The following OPCML variants were observed in gnomAD, a reference collection of about 807,000 sequenced individuals.
OPCML encodes the protein opioid binding protein/cell adhesion molecule like, also known as opioid-binding protein/cell adhesion molecule.
In OPCML, 13 loss-of-function variants were observed where a neutral mutation model predicts 37.8. The ratio of observed to expected loss-of-function variants is 0.34; its 90% confidence interval spans 0.22 to 0.55. OPCML has a LOEUF of 0.55. OPCML is among the 20% of genes least tolerant of loss of function. The pLI is 0.91. For synonymous variants in OPCML, 176 were observed against 168.8 expected (o/e 1.04, Z -0.33); for missense variants, 341 against 435.6 (o/e 0.78, Z 1.93).
chr11:132,627,996 T>C (rs949777089), intron 3 of OPCML, among the ~76,000 whole-genome samples: 2 of 152,080 alleles, frequency 1.3e-5, no homozygotes, highest in Non-Finnish European at 2.9e-5. Flanking sequence ...CATATTTAAA[T>C]CTAGGCTGAA....
intron 4 of OPCML, among the ~76,000 whole-genome samples, chr11:132,504,524 G>A (rs1042620855): frequency 2.0e-5 from 3 of 152,198 alleles, no homozygotes; most frequent in African/African-American, 4.8e-5. Flanking sequence ...TGGTGCTGCA[G>A]TCATTTGAAT....
At chr11:132,691,613 C>G (rs1943407021) in intron 2 of OPCML, among the ~76,000 whole-genome samples, 1 of 152,174 alleles carries the variant, frequency 6.6e-6, no homozygotes, top group Non-Finnish European at 1.5e-5. Flanking sequence ...ACCTGGTGTA[C>G]TCCCATGGGT....
At chr11:132,508,328 G>A (rs112175964) in intron 4 of OPCML, among the ~76,000 whole-genome samples, 15 of 152,248 alleles carry the variant, frequency 9.9e-5, no homozygotes, top group African/African-American at 3.6e-4. Context: ...TATTGACAAA[G>A]TTAATCAACT....
intron 2 of OPCML, among the ~76,000 whole-genome samples, chr11:132,662,536 A>G (rs1309172235): frequency 6.6e-6 from 1 of 152,174 alleles, no homozygotes; most frequent in Non-Finnish European, 1.5e-5. Flanking sequence ...TTCCTGCCCT[A>G]TGAAACTACA....
intron 3 of OPCML, among the ~76,000 whole-genome samples, chr11:132,530,331 T>A (rs2512708): frequency 0.41 from 62,644 of 151,628 alleles, 15,036 homozygotes; most frequent in Non-Finnish European, 0.55. Context: ...ATTGGAAAAC[T>A]CCTAGATTCC....
chr11:133,055,385 G>T (rs75723388), intron 1 of OPCML, among the ~76,000 whole-genome samples: 3 of 148,272 alleles, frequency 2.0e-5, no homozygotes, highest in Non-Finnish European at 1.5e-5. Context: ...ACTTCCAAGT[G>T]GTGAGACCCC....
At chr11:132,727,927 C>T (rs961696763) in intron 2 of OPCML, among the ~76,000 whole-genome samples, 4 of 152,164 alleles carry the variant, frequency 2.6e-5, no homozygotes, top group African/African-American at 9.7e-5. Flanking sequence ...CTGGGCTTCC[C>T]CAGCTCCTCT....
chr11:132,612,356 A>T (rs1938702661), intron 3 of OPCML, among the ~76,000 whole-genome samples: 1 of 152,240 alleles, frequency 6.6e-6, no homozygotes, highest in African/African-American at 2.4e-5. Flanking sequence ...CTGATATTAT[A>T]GATATTAAAA....
intron 2 of OPCML, among the ~76,000 whole-genome samples, chr11:132,929,658 A>T (rs1945129980): frequency 6.6e-6 from 1 of 152,190 alleles, no homozygotes; most frequent in East Asian, 1.9e-4. Context: ...TTAATGCAAA[A>T]ATCTTTCACA....
intron 2 of OPCML, among the ~76,000 whole-genome samples, chr11:132,665,727 A>G (rs1319339529): frequency 6.6e-6 from 1 of 152,172 alleles, no homozygotes; most frequent in African/African-American, 2.4e-5. Flanking sequence ...GCTCCAAGTC[A>G]CTCTATAAAT....
At chr11:133,399,141 GCAA>G (rs1945347996) in intron 1 of OPCML, among the ~76,000 whole-genome samples, 1 of 151,976 alleles carries the variant, frequency 6.6e-6, no homozygotes, top group Non-Finnish European at 1.5e-5. Flanking sequence ...CCCTCCCCCA[GCAA>G]AGAAAGAATC....
intron 4 of OPCML, among the ~76,000 whole-genome samples, chr11:132,517,133 T>C (rs146157171): frequency 1.3e-5 from 2 of 152,350 alleles, no homozygotes; most frequent in African/African-American, 2.4e-5. Context: ...GATTATGTTC[T>C]ACTTGGCTCA....
At chr11:133,517,568 A>G (rs540553934) in intron 1 of OPCML, among the ~76,000 whole-genome samples, 1 of 152,360 alleles carries the variant, frequency 6.6e-6, no homozygotes, top group Non-Finnish European at 1.5e-5. Context: ...TGGACTGTAC[A>G]GACAGAAACC....
At chr11:132,991,034 C>T (rs1430927436) in intron 1 of OPCML, among the ~76,000 whole-genome samples, 4 of 152,164 alleles carry the variant, frequency 2.6e-5, no homozygotes, top group African/African-American at 4.8e-5. Flanking sequence ...AGACTTGACC[C>T]GCTAAGCAAA....
At chr11:132,662,471 G>T (rs1942024187) in intron 2 of OPCML, among the ~76,000 whole-genome samples, 1 of 150,882 alleles carries the variant, frequency 6.6e-6, no homozygotes, top group Non-Finnish European at 1.5e-5. Flanking sequence ...AGTGCCTAAG[G>T]TGCATGAGAT....
chr11:133,331,208 T>C (rs1350967690), intron 1 of OPCML, among the ~76,000 whole-genome samples: 1 of 152,186 alleles, frequency 6.6e-6, no homozygotes. Flanking sequence ...GAGTCAGAAC[T>C]GAAACCAAAC....
At chr11:133,482,303 C>T (rs1229112323) in intron 1 of OPCML, among the ~76,000 whole-genome samples, 2 of 152,112 alleles carry the variant, frequency 1.3e-5, no homozygotes, top group African/African-American at 4.8e-5. Flanking sequence ...ATCAGACGTC[C>T]TGCATTTGAG....
At chr11:132,732,813 T>C (rs1945124235) in intron 2 of OPCML, among the ~76,000 whole-genome samples, 2 of 150,646 alleles carry the variant, frequency 1.3e-5, no homozygotes, top group Non-Finnish European at 2.9e-5. Flanking sequence ...ATATGTCCAT[T>C]GAATTCAGTA....
intron 2 of OPCML, among the ~76,000 whole-genome samples, chr11:132,867,159 T>A (rs1565922149): frequency 6.6e-6 from 1 of 152,210 alleles, no homozygotes; most frequent in South Asian, 2.1e-4. Context: ...AGCCACATAA[T>A]TCAGTAATAA....
Sources: allele counts gnomAD v4.1 joint callset (sites outside exome capture counted in the v4.1 genomes callset), GRCh38; gene constraint gnomAD v4.1.1; transcripts MANE v1.5; gene names NCBI Gene and HGNC (gene_info 2026-07-23, HGNC 2026-07-21).